DGKB: variants seen among roughly 807,000 people sequenced by gnomAD.
The protein encoded by DGKB is 90 kDa diacylglycerol kinase.
In DGKB, 67 loss-of-function variants were observed where a neutral mutation model predicts 114.3. The observed-to-expected ratio is 0.59, with a 90% CI of 0.48 to 0.72. DGKB has a LOEUF of 0.72. Among genes scored for constraint, DGKB ranks in the 30% least tolerant of loss-of-function variants. DGKB has a pLI of 0.00. For missense variants in DGKB, 907 were observed against 975.2 expected (o/e 0.93, Z 0.93); for synonymous variants, 398 against 323.1 (o/e 1.23, Z -2.49).
intron 19 of DGKB, among the ~76,000 whole-genome samples, chr7:14,575,465 C>A (rs1377323449): frequency 1.3e-5 from 2 of 152,176 alleles, no homozygotes; most frequent in African/African-American, 2.4e-5. Flanking sequence ...GTTATCACTG[C>A]AGCCTAACCC....
chr7:14,804,442 C>A (rs1341406012), intron 2 of DGKB, among the ~76,000 whole-genome samples: 1 of 151,844 alleles, frequency 6.6e-6, no homozygotes, highest in African/African-American at 2.4e-5. Context: ...TACCTATGTA[C>A]GTATGTATTA....
At position 14,910,747 on chromosome 7, in the gene DGKB, G is replaced by C. The variant is rs1017461281; in HGVS notation, c.-188+63949C>G. Among the ~76,000 whole-genome samples the C allele has an allele frequency of 4.6e-5, 7 of 152,080 alleles. No homozygotes were observed. The East Asian group carries it at 1.4e-3, about 29-fold the overall frequency. ...CAAAGTTCCTATTCTTAACACCTCT[G>C]CTACATTGCTTCTCCACTTTAAAGA... is the stretch of plus-strand genomic sequence containing the variant. On this transcript the variant is annotated intron_variant, in intron 1 of 4. Coordinates refer to the DGKB transcript ENST00000437998.
At chr7:14,392,087 T>C (rs1307961815) in intron 21 of DGKB, among the ~76,000 whole-genome samples, 2 of 152,184 alleles carry the variant, frequency 1.3e-5, no homozygotes, top group Non-Finnish European at 2.9e-5. Flanking sequence ...AGGTTATGTC[T>C]GCATAACCTG....
At chr7:14,768,736 T>G (rs1255420528) in intron 2 of DGKB, among the ~76,000 whole-genome samples, 3 of 151,972 alleles carry the variant, frequency 2.0e-5, no homozygotes, top group African/African-American at 7.2e-5. Flanking sequence ...TTTAAAAAAT[T>G]TAGGGGAGGA....
chr7:14,869,622 T>A (rs76665678), intron 1 of DGKB, among the ~76,000 whole-genome samples: 2 of 152,302 alleles, frequency 1.3e-5, no homozygotes, highest in East Asian at 3.9e-4. Context: ...AAAGCTTTTC[T>A]GTCAGTTTAT....
At chr7:14,296,769 T>G (rs1802645921) in intron 23 of DGKB, among the ~76,000 whole-genome samples, 4 of 149,738 alleles carry the variant, frequency 2.7e-5, no homozygotes, top group South Asian at 4.2e-4. Context: ...TGTTTTTTTT[T>G]TTTTTTTTTT....
At chr7:14,747,771 A>ACGCACGCGCGCGCG (rs1554636358) in intron 4 of DGKB, among the ~76,000 whole-genome samples, 59 of 92,114 alleles carry the variant, frequency 6.4e-4, no homozygotes, top group African/African-American at 4.1e-3. Context: ...AAACACATCC[A>ACGCACGCGCGCGCG]CGCGCACGCA....
intron 2 of DGKB, among the ~76,000 whole-genome samples, chr7:14,761,152 G>C (rs1193230078): frequency 1.3e-5 from 2 of 152,046 alleles, no homozygotes; most frequent in Non-Finnish European, 2.9e-5. Flanking sequence ...ATCTAGTTTG[G>C]AAACTGGAGC....
intron 2 of DGKB, among the ~76,000 whole-genome samples, chr7:14,803,673 T>G (rs1842451870): frequency 8.7e-6 from 1 of 115,086 alleles, no homozygotes; most frequent in Admixed American, 8.4e-5. Flanking sequence ...CTGTTGTGTA[T>G]GCGTTTTGGT....
At chr7:14,523,739 T>C (rs1790169907) in intron 20 of DGKB, among the ~76,000 whole-genome samples, 1 of 152,292 alleles carries the variant, frequency 6.6e-6, no homozygotes, top group South Asian at 2.1e-4. Context: ...ATCAAATTGC[T>C]GCTGAATATG....
At chr7:14,294,614 G>C (rs2128477064) in intron 23 of DGKB, among the ~76,000 whole-genome samples, 2 of 152,222 alleles carry the variant, frequency 1.3e-5, no homozygotes, top group Middle Eastern at 6.8e-3. Context: ...AAAAATACTT[G>C]TTTCATTGTC....
rs759569444 is a variant in DGKB at position 14,597,216 on chromosome 7, C to A, written c.1433+10218G>T. The stretch of plus-strand genomic sequence containing the variant: ...GAGCAAGACTCCGTCTCAAAAAAAA[C>A]CATGAATAATTTAATTACACAGAAT... On this transcript the variant is annotated intron_variant, in intron 17 of 25. Coordinates refer to ENST00000402815, the MANE Select transcript of DGKB (RefSeq NM_001350709.2). Among the ~76,000 whole-genome samples, 5 of 152,094 alleles carry A rather than the reference C, an allele frequency of 3.3e-5. No homozygotes were observed. In the South Asian group the frequency reaches 6.2e-4, roughly 19 times the overall value.
chr7:14,862,187 G>A (rs1406959587), intron 1 of DGKB, among the ~76,000 whole-genome samples: 1 of 151,868 alleles, frequency 6.6e-6, no homozygotes, highest in Non-Finnish European at 1.5e-5. Context: ...GTATACTCAA[G>A]GCATACAAGG....
intron 20 of DGKB, among the ~76,000 whole-genome samples, chr7:14,552,726 C>A (rs377284827): frequency 1.3e-5 from 2 of 152,166 alleles, no homozygotes; most frequent in East Asian, 1.9e-4. Flanking sequence ...ATCTGTTTTC[C>A]TTTCTCTCCA....
intron 2 of DGKB, among the ~76,000 whole-genome samples, chr7:14,816,808 C>A (rs1486274334): frequency 4.6e-5 from 7 of 152,096 alleles, no homozygotes; most frequent in Non-Finnish European, 1.0e-4. Flanking sequence ...CACCTGTGAA[C>A]CAACATATGC....
At chr7:14,302,704 G>A (rs903395435) in intron 23 of DGKB, among the ~76,000 whole-genome samples, 3 of 152,140 alleles carry the variant, frequency 2.0e-5, no homozygotes, top group East Asian at 3.9e-4. Context: ...TCTTAGAGAC[G>A]TATTTCTTGA....
chr7:14,154,173 T>C (rs1782629816), intron 25 of DGKB, among the ~76,000 whole-genome samples: 1 of 119,630 alleles, frequency 8.4e-6, no homozygotes, highest in Non-Finnish European at 1.6e-5. Context: ...TGGTAGAGTT[T>C]TGTCTTTTTT....
chr7:14,706,717 C>T (rs1296486072), intron 6 of DGKB, among the ~76,000 whole-genome samples: 1 of 90,210 alleles, frequency 1.1e-5, no homozygotes. Flanking sequence ...TGAATGACTA[C>T]TGGGTACATA....
At chr7:14,476,894 A>G (rs1782259950) in intron 21 of DGKB, among the ~76,000 whole-genome samples, 1 of 151,550 alleles carries the variant, frequency 6.6e-6, no homozygotes, top group African/African-American at 2.4e-5. Flanking sequence ...AGCTTGGGTT[A>G]CAGGCACCCA....
Sources: gnomAD v4.1 joint callset for allele counts (sites outside exome capture counted in the v4.1 genomes callset) on GRCh38, gnomAD v4.1.1 for gene constraint, MANE v1.5 for transcripts, NCBI Gene and HGNC (gene_info 2026-07-23, HGNC 2026-07-21) for gene names.